Variants in PTPRT observed in about 807,000 individuals in gnomAD.
The protein encoded by PTPRT is protein tyrosine phosphatase receptor type T.
Under a neutral mutation model 176.8 loss-of-function variants are expected in PTPRT, and 56 were observed. The observed-to-expected ratio is 0.32, with a 90% CI of 0.26 to 0.40. The LOEUF (loss-of-function observed/expected upper bound fraction) is 0.40. PTPRT is among the 10% of genes least tolerant of loss of function. The pLI is 1.00. For synonymous variants in PTPRT, 783 were observed against 739.0 expected (o/e 1.06, Z -0.96); for missense variants, 1,540 against 1,908.2 (o/e 0.81, Z 3.60).
At chr20:42,302,171 T>A (rs947904280) in intron 12 of PTPRT, among the ~76,000 whole-genome samples, 7 of 152,182 alleles carry the variant, frequency 4.6e-5, no homozygotes, top group African/African-American at 1.7e-4. Context: ...TGAGCACAAG[T>A]GCCTTAAGGA....
chr20:42,215,620 T>TACGACCCGAA (rs2055750099), intron 15 of PTPRT, among the ~76,000 whole-genome samples: 1 of 94,992 alleles, frequency 1.1e-5, no homozygotes, highest in Admixed American at 1.0e-4. Context: ...ATCCTGCTCA[T>TACGACCCGAA]ACGACCCGAA....
chr20:43,152,720 CCCTT>C (rs2014398044), intron 1 of PTPRT, among the ~76,000 whole-genome samples: 1 of 152,176 alleles, frequency 6.6e-6, no homozygotes, highest in Non-Finnish European at 1.5e-5. Context: ...CAATTAATTA[CCCTT>C]GTAACCTCAA....
At chr20:42,568,643 G>A (rs1193155811) in intron 7 of PTPRT, among the ~76,000 whole-genome samples, 1 of 152,136 alleles carries the variant, frequency 6.6e-6, no homozygotes, top group Non-Finnish European at 1.5e-5. Flanking sequence ...ATAAACTGAA[G>A]TCCAGTTGTT....
chr20:42,713,541 A>G (rs2076177909), intron 6 of PTPRT, among the ~76,000 whole-genome samples: 2 of 152,226 alleles, frequency 1.3e-5, no homozygotes, highest in Admixed American at 6.5e-5. Context: ...TTCACCATAT[A>G]CCTTAAATGA....
chr20:42,080,908 C>T lies in PTPRT; in HGVS notation c.4297G>A (p.Val1433Met), dbSNP rs754318111. The T allele has an allele frequency of 6.2e-7, 1 of 1,610,352 alleles. No homozygotes were observed. Among genetic ancestry groups the T allele is most frequent in the Admixed American group, 1.7e-5 (1 of 60,000 alleles). Residue 1433 changes from valine (V) to methionine (M), a missense_variant, in exon 31 of 31, where the codon GTG becomes ATG. By Grantham distance (21) the Val-to-Met change is conservative. Around this residue, in one of 11 missense-constraint regions of PTPRT, gnomAD observed 342 missense variants for 394.0 expected, o/e 0.87. Transcript: ENST00000373187. Reference protein sequence around the residue: ...TLEQYKFVYEVALEYLSSF With the variant: ...TLEQYKFVYEMALEYLSSF ...AAGGAGCTTAAATATTCCAGTGCCACCTCGTATACAAATTTATACTGTTCC... is the reference window on the plus strand; with the variant it reads ...AAGGAGCTTAAATATTCCAGTGCCATCTCGTATACAAATTTATACTGTTCC...
At position 43,040,467 on chromosome 20, in the gene PTPRT, C is replaced by T. The variant is rs199706493; in HGVS notation, c.88+149179G>A. Reference sequence around the variant, plus strand: ...AAACAATAAATATTTTTAAAATACACGAAATTATAACAGCCAATACTTACT... The same window carrying T: ...AAACAATAAATATTTTTAAAATACATGAAATTATAACAGCCAATACTTACT... On this transcript the variant is annotated intron_variant, in intron 1 of 30. Coordinates refer to ENST00000373187, the MANE Select transcript of PTPRT (RefSeq NM_007050.6). Among the ~76,000 whole-genome samples the T allele has an allele frequency of 2.7e-4, 41 of 152,256 alleles. No homozygotes were observed. In the East Asian group the frequency reaches 3.3e-3, roughly 12 times the overall value.
intron 1 of PTPRT, among the ~76,000 whole-genome samples, chr20:43,002,214 AG>A (rs1411994119): frequency 2.6e-5 from 4 of 152,324 alleles, no homozygotes; most frequent in African/African-American, 4.8e-5. Flanking sequence ...CTTTCTGTTA[AG>A]CCTGTGGAAC....
At chr20:42,689,137 C>T (rs1410084026) in intron 6 of PTPRT, among the ~76,000 whole-genome samples, 3 of 152,168 alleles carry the variant, frequency 2.0e-5, no homozygotes, top group South Asian at 2.1e-4. Flanking sequence ...TTTCTGTTTT[C>T]GCACCCAAAA....
chr20:42,690,568 T>C (rs1037522593), intron 6 of PTPRT, among the ~76,000 whole-genome samples: 2 of 152,156 alleles, frequency 1.3e-5, no homozygotes, highest in Non-Finnish European at 2.9e-5. Context: ...CCCCTTGACC[T>C]CCACAATGCC....
intron 7 of PTPRT, among the ~76,000 whole-genome samples, chr20:42,587,066 C>T (rs1454209748): frequency 1.3e-5 from 2 of 152,150 alleles, no homozygotes; most frequent in Non-Finnish European, 2.9e-5. Flanking sequence ...GCCTCACCAT[C>T]CTCAACCACA....
chr20:42,540,825 G>C (rs2072565872), intron 7 of PTPRT, among the ~76,000 whole-genome samples: 3 of 152,098 alleles, frequency 2.0e-5, no homozygotes, highest in African/African-American at 4.8e-5. Context: ...ATTGAATGTT[G>C]ATCTAGCCAA....
chr20:42,066,621 C>G, the PTPRT span, among the ~76,000 whole-genome samples: 1 of 152,122 alleles, frequency 6.6e-6, no homozygotes, highest in Admixed American at 6.5e-5. Flanking sequence ...ACTACCTGCT[C>G]TTGTATCTTT....
chr20:42,619,055 G>A (rs565177514), intron 7 of PTPRT, among the ~76,000 whole-genome samples: 4 of 149,544 alleles, frequency 2.7e-5, no homozygotes, highest in Admixed American at 1.3e-4. Context: ...TTACATTTTG[G>A]CATGATTTTG....
chr20:43,111,498 C>A (rs963397929), intron 1 of PTPRT, among the ~76,000 whole-genome samples: 2 of 139,258 alleles, frequency 1.4e-5, no homozygotes, highest in East Asian at 2.2e-4. Flanking sequence ...GAGCTGAGAT[C>A]GTGCCACTGC....
chr20:42,129,076 C>T (rs1168299023), intron 18 of PTPRT, among the ~76,000 whole-genome samples: 1 of 152,098 alleles, frequency 6.6e-6, no homozygotes, highest in African/African-American at 2.4e-5. Flanking sequence ...GGATTAGTCA[C>T]CTGTTTCTTT....
intron 7 of PTPRT, among the ~76,000 whole-genome samples, chr20:42,590,553 C>G (rs1015374596): frequency 6.6e-6 from 1 of 151,994 alleles, no homozygotes; most frequent in Non-Finnish European, 1.5e-5. Flanking sequence ...ACTGTATGAA[C>G]AGGTGACAGA....
intron 1 of PTPRT, among the ~76,000 whole-genome samples, chr20:43,045,667 T>C (rs1382238846): frequency 6.6e-6 from 1 of 150,914 alleles, no homozygotes; most frequent in African/African-American, 2.4e-5. Flanking sequence ...CTCACTATGT[T>C]GCCCAGGCTG....
At chr20:42,557,135 C>T (rs983496065) in intron 7 of PTPRT, among the ~76,000 whole-genome samples, 5 of 152,132 alleles carry the variant, frequency 3.3e-5, no homozygotes, top group Non-Finnish European at 7.3e-5. Context: ...TTGCCTTAAG[C>T]AATGACCTCA....
At chr20:42,157,530 G>C (rs1989411141) in intron 17 of PTPRT, among the ~76,000 whole-genome samples, 2 of 151,892 alleles carry the variant, frequency 1.3e-5, no homozygotes, top group African/African-American at 4.8e-5. Flanking sequence ...ATTTGTAGTA[G>C]AGAAGGGGTT....
Sources: allele counts gnomAD v4.1 joint callset (sites outside exome capture counted in the v4.1 genomes callset), GRCh38; gene constraint gnomAD v4.1.1; regional missense constraint gnomAD v4.1.1; transcripts MANE v1.5; gene names NCBI Gene and HGNC (gene_info 2026-07-23, HGNC 2026-07-21).